The following ADCY5 variants were observed in gnomAD, a reference collection of about 807,000 sequenced individuals.
ADCY5 encodes adenylate cyclase 5, also known as adenylate cyclase type 5.
A neutral mutation model predicts 119.7 loss-of-function variants in ADCY5; 30 were observed. The ratio of observed to expected loss-of-function variants is 0.25; its 90% CI spans 0.19 to 0.34. The LOEUF (loss-of-function observed/expected upper bound fraction) is 0.34. Among genes scored for constraint, ADCY5 ranks in the 10% least tolerant of loss-of-function variants. ADCY5 has a pLI of 1.00. For missense variants in ADCY5, 1,324 were observed against 1,775.2 expected (o/e 0.75, Z 4.57); for synonymous variants, 753 against 762.2 (o/e 0.99, Z 0.20).
chr3:123,366,544 T>A (rs1943445206), intron 1 of ADCY5, among the ~76,000 whole-genome samples: 2 of 152,210 alleles, frequency 1.3e-5, no homozygotes, highest in African/African-American at 4.8e-5. Flanking sequence ...TGGAGGTATA[T>A]GACAGGGGCT....
intron 17 of ADCY5, among the ~76,000 whole-genome samples, 154 bp downstream of exon 17, chr3:123,295,930 C>A (rs763306831): frequency 6.6e-5 from 10 of 152,198 alleles, no homozygotes; most frequent in Non-Finnish European, 1.5e-4. Flanking sequence ...CACGGGGACA[C>A]AGGGCACCAA....
rs77549018 is a variant in ADCY5, at chr3:123,307,565, A to C, written c.2443-3382T>G. On this transcript the variant is annotated intron_variant, in intron 12 of 20. Coordinates refer to ENST00000462833, the MANE Select transcript of ADCY5 (RefSeq NM_183357.3). ...GGGGAAGTGTTTTGGCACTAGCATG[A>C]GGATCTTAGTCTGAAATGGTATGAC... 3.3e-5 allele frequency among the ~76,000 whole-genome samples: 5 copies of C among 152,328 alleles called. No homozygotes were observed. In the South Asian group the frequency reaches 1.0e-3, roughly 32 times the overall value.
rs1576518541 is a variant in ADCY5, at chr3:123,286,195, G to A, written c.3657+490C>T. Among the ~76,000 whole-genome samples the A allele has an allele frequency of 6.6e-6, 1 of 152,178 alleles. No homozygotes were observed. The highest frequency in any genetic ancestry group is 1.9e-4 in the East Asian group (1 of 5,192). Reference sequence around the variant, plus strand: ...CCAGCTCGCAAAGGAGGGAGCAAGGGGAAAAGGCCTCTGAGTCTGTGGCCA... The same window carrying A: ...CCAGCTCGCAAAGGAGGGAGCAAGGAGAAAAGGCCTCTGAGTCTGTGGCCA... On this transcript the variant is annotated intron_variant, in intron 20 of 20. Transcript: ENST00000462833. The surrounding 1 kb of genome is among the most constrained non-coding windows in gnomAD (Gnocchi z 4.2).
At chr3:123,395,926 G>A (rs917337211) in intron 1 of ADCY5, among the ~76,000 whole-genome samples, 2 of 142,614 alleles carry the variant, frequency 1.4e-5, no homozygotes, top group Non-Finnish European at 3.0e-5. Flanking sequence ...AGAAAGGAGT[G>A]GAGAGAAGGA....
At chr3:123,313,023 C>T (rs1191804724) in intron 12 of ADCY5, among the ~76,000 whole-genome samples, 2 of 139,338 alleles carry the variant, frequency 1.4e-5, no homozygotes, top group African/African-American at 3.4e-5. Flanking sequence ...AACCAGCTAA[C>T]GTTAAGCCCT....
chr3:123,402,677 C>G (rs1193874702), intron 1 of ADCY5, among the ~76,000 whole-genome samples: 2 of 151,852 alleles, frequency 1.3e-5, no homozygotes, highest in Non-Finnish European at 2.9e-5. Context: ...GGTGAAACCC[C>G]GTCTCTACTA....
chr3:123,443,540 C>G (rs978514922), intron 1 of ADCY5, among the ~76,000 whole-genome samples: 5 of 152,186 alleles, frequency 3.3e-5, no homozygotes, highest in African/African-American at 1.2e-4. Context: ...ACCCCCACCC[C>G]TCATTTGTCT....
At chr3:123,390,598 T>G (rs1944376023) in intron 1 of ADCY5, among the ~76,000 whole-genome samples, 1 of 152,210 alleles carries the variant, frequency 6.6e-6, no homozygotes, top group Non-Finnish European at 1.5e-5. Flanking sequence ...GATAAAAAGT[T>G]GCTTTGGGGG....
chr3:123,435,555 C>G (rs1213957134), intron 1 of ADCY5, among the ~76,000 whole-genome samples: 1 of 152,188 alleles, frequency 6.6e-6, no homozygotes, highest in Non-Finnish European at 1.5e-5. Flanking sequence ...TCAGAACCTG[C>G]ATGAGATGCC....
At chr3:123,309,170 C>T (rs1252928859) in intron 12 of ADCY5, among the ~76,000 whole-genome samples, 1 of 152,156 alleles carries the variant, frequency 6.6e-6, no homozygotes, top group African/African-American at 2.4e-5. Context: ...AAGACCTCCC[C>T]GGGCCCCTGT....
At chr3:123,295,483 C>A (rs1939440507) in intron 17 of ADCY5, among the ~76,000 whole-genome samples, 1 of 152,230 alleles carries the variant, frequency 6.6e-6, no homozygotes, top group Non-Finnish European at 1.5e-5. Flanking sequence ...CAGGGAGACA[C>A]AAGGCACAGG....
chr3:123,323,036 G>A (rs556987022), intron 8 of ADCY5, among the ~76,000 whole-genome samples: 4 of 152,266 alleles, frequency 2.6e-5, no homozygotes, highest in South Asian at 4.1e-4. Flanking sequence ...AATGGCCCTC[G>A]CGGCACTGAG....
chr3:123,314,636 G>A lies in ADCY5; in HGVS notation c.2355-314C>T, dbSNP rs1469990225. On this transcript the variant is annotated intron_variant, in intron 11 of 20. Transcript: ENST00000462833. ...CAGGAAGCTGAATGGAGAACCAGGT[G>A]ACACCTGATAGGTATTTTGCCTAAT... Among the ~76,000 whole-genome samples the A allele has an allele frequency of 4.6e-5, 7 of 152,218 alleles. 1 individual carries two copies. Among genetic ancestry groups the A allele is most frequent in the Admixed American group, 3.9e-4 (6 of 15,290 alleles).
rs146792302 is a variant in ADCY5 at position 123,311,774 on chromosome 3, C to T, written c.2442+2461G>A. 5.3e-5 allele frequency among the ~76,000 whole-genome samples: 8 copies of T among 152,190 alleles called. No homozygotes were observed. The East Asian group carries it at 1.4e-3, about 26-fold the overall frequency. On this transcript the variant is annotated intron_variant, in intron 12 of 20. Coordinates refer to ENST00000462833, the MANE Select transcript of ADCY5 (RefSeq NM_183357.3). ...AAGATGGAAAAAGCAGGCTCCCTGGCTGGATGGTGTGGGACTGGGGGGACA... is the reference window on the plus strand; with the variant it reads ...AAGATGGAAAAAGCAGGCTCCCTGGTTGGATGGTGTGGGACTGGGGGGACA...
At chr3:123,367,650 G>A (rs1943493543) in intron 1 of ADCY5, among the ~76,000 whole-genome samples, 1 of 151,948 alleles carries the variant, frequency 6.6e-6, no homozygotes, top group South Asian at 2.1e-4. Flanking sequence ...GGAGGGGGCT[G>A]ACGAAAGGCT....
At chr3:123,289,266 A>G (rs1453012342) in intron 19 of ADCY5, among the ~76,000 whole-genome samples, 1 of 152,208 alleles carries the variant, frequency 6.6e-6, no homozygotes, top group Non-Finnish European at 1.5e-5. Context: ...CAAGTATTTG[A>G]TTTTACTGTT....
At chr3:123,308,163 A>T (rs1940309653) in intron 12 of ADCY5, among the ~76,000 whole-genome samples, 1 of 150,112 alleles carries the variant, frequency 6.7e-6, no homozygotes. Context: ...CCTCTAGAGT[A>T]GCTGGGACTA....
At position 123,286,742 on chromosome 3, in the gene ADCY5, G is replaced by T; in HGVS notation, c.3600C>A (p.Gly1200=). ...GARKPQYDIW[G]NTVNVASRMD... ...TGCGGCTGGCCACGTTCACGGTATT[G>T]CCCCAGATGTCGTACTGAGGCTTTC... Residue 1200 remains glycine (G), a synonymous_variant, in exon 20 of 21, where the codon GGC becomes GGA. Transcript: ENST00000462833. The surrounding 1 kb of genome is among the most constrained non-coding windows in gnomAD (Gnocchi z 4.2). 1.2e-6 allele frequency: 2 copies of T among 1,613,682 alleles called. No homozygotes were observed. The highest frequency in any genetic ancestry group is 1.7e-6 in the Non-Finnish European group (2 of 1,179,840).
chr3:123,396,843 A>AGAGAGAGAGC, intron 1 of ADCY5, among the ~76,000 whole-genome samples: 1 of 151,218 alleles, frequency 6.6e-6, no homozygotes, highest in South Asian at 2.1e-4. Context: ...AGAGAGAGAG[A>AGAGAGAGAGC]CAGAGAACCC....
Sources: gnomAD v4.1 joint callset for allele counts (sites outside exome capture counted in the v4.1 genomes callset) on GRCh38, gnomAD v4.1.1 for gene constraint, Gnocchi (gnomAD v3.1) non-coding constraint, MANE v1.5 for transcripts, NCBI Gene and HGNC (gene_info 2026-07-23, HGNC 2026-07-21) for gene names.